CHD9: variants seen among roughly 807,000 people sequenced by gnomAD.
CHD9 encodes the protein ATP-dependent chromatin remodeler CHD9.
CHD9 carries 77 observed loss-of-function variants against 316.1 expected under a neutral mutation model. That is an observed-to-expected ratio of 0.24 (90% CI 0.20 to 0.29). CHD9 has a LOEUF of 0.29. CHD9 is among the 10% of genes least tolerant of loss of function. CHD9 has a pLI of 1.00. For missense variants in CHD9, 2,763 were observed against 3,438.1 expected, an observed-to-expected ratio of 0.80 and a Z score of 4.91; for synonymous variants, 1,129 against 1,158.3, an observed-to-expected ratio of 0.97 and a Z score of 0.51.
At chr16:53,155,560 T>C (rs1231420491) in intron 1 of CHD9, among the ~76,000 whole-genome samples, 2 of 152,188 alleles carry the variant, frequency 1.3e-5, no homozygotes, top group African/African-American at 4.8e-5. Flanking sequence ...TACCATACAA[T>C]TCATTCATCT....
intron 34 of CHD9, among the ~76,000 whole-genome samples, chr16:53,313,058 A>G (rs2056598612): frequency 6.6e-6 from 1 of 152,234 alleles, no homozygotes; most frequent in African/African-American, 2.4e-5. Flanking sequence ...TTAATAAAAT[A>G]TCTATTAGAA....
In CHD9 at chr16:53,314,415, A is replaced by G; in HGVS notation, c.7261A>G (p.Ile2421Val). 2 of 1,589,048 alleles carry G rather than the reference A, an allele frequency of 1.3e-6. No individual in the cohort carries two copies. Among genetic ancestry groups the G allele is most frequent in the Non-Finnish European group, 1.7e-6 (2 of 1,166,484 alleles). The change falls in exon 35 of 39, where the codon ATA becomes GTA. Residue 2421 changes from isoleucine (I) to valine (V), a missense_variant. Physicochemically the swap from Ile to Val is conservative, Grantham distance 29 (BLOSUM62 3). Around this residue, in one of 15 missense-constraint regions of CHD9, gnomAD observed 663 missense variants for 751.2 expected, o/e 0.88. Coordinates refer to ENST00000447540, the MANE Select transcript of CHD9 (RefSeq NM_001308319.2). The part of the protein sequence containing the change: ...IQPTLGANGV[I>V]LDNQPIVKKR... ...ACCAACCCTTGGTGCCAATGGTGTG[A>G]TATTAGACAACCAGCCTATAGTCAA...
At chr16:53,161,927 A>AT (rs1423965197) in intron 2 of CHD9, among the ~76,000 whole-genome samples, 5 of 151,902 alleles carry the variant, frequency 3.3e-5, no homozygotes, top group African/African-American at 7.2e-5. Context: ...TAATTTTTGT[A>AT]TTTTTTTGTA....
At position 53,058,261 on chromosome 16, in the gene CHD9, C is replaced by T. The variant is rs192564493; in HGVS notation, c.-165+3184C>T. Among the ~76,000 whole-genome samples the T allele has an allele frequency of 4.6e-5, 7 of 152,224 alleles. No individual in the cohort carries two copies. In the East Asian group the frequency reaches 9.7e-4, roughly 21 times the overall value. On this transcript the variant is annotated intron_variant, in intron 1 of 38. Transcript: ENST00000447540. ...TCAGCCTCCCATGTAGCTGGTACTA[C>T]AGGCACATGCCACCACGCCCAGCTA...
At chr16:53,288,886 T>TA (rs1382586674) in intron 27 of CHD9, among the ~76,000 whole-genome samples, 3 of 151,672 alleles carry the variant, frequency 2.0e-5, no homozygotes, top group Non-Finnish European at 4.4e-5. Context: ...CAGTGTAATA[T>TA]AAAAAAGGAT....
intron 24 of CHD9, 115 bp downstream of exon 24, chr16:53,274,417 G>C: frequency 1.9e-6 from 1 of 540,456 alleles, no homozygotes; most frequent in Non-Finnish European, 3.3e-6. Flanking sequence ...TCGCACTGTA[G>C]GCACACCACC....
intron 1 of CHD9, among the ~76,000 whole-genome samples, chr16:53,106,694 A>G (rs2037387019): frequency 6.6e-6 from 1 of 152,042 alleles, no homozygotes; most frequent in South Asian, 2.1e-4. Flanking sequence ...CGATGTGCAT[A>G]TGGTGTGGTT....
chr16:53,274,270 G>A lies in CHD9; in HGVS notation c.4935G>A (p.Glu1645=). 1 of 1,594,628 alleles carries A rather than the reference G, an allele frequency of 6.3e-7. No homozygotes were observed. The highest frequency in any genetic ancestry group is 8.5e-7 in the Non-Finnish European group (1 of 1,172,340). Residue 1645 remains glutamate, a synonymous_variant, in exon 24 of 39, where the codon GAG becomes GAA. Coordinates refer to ENST00000447540, the MANE Select transcript of CHD9 (RefSeq NM_001308319.2). ...YYLKQEVIGN[E]CQKVFDGVDA... ...TAAAGCAAGAAGTTATTGGAAATGA[G>A]TGTCAGAAAGTATTTGATGGAGTTG...
chr16:53,120,443 GTC>G (rs1246946397), intron 1 of CHD9, among the ~76,000 whole-genome samples: 1 of 151,698 alleles, frequency 6.6e-6, no homozygotes, highest in African/African-American at 2.4e-5. Flanking sequence ...GAGAAACTCC[GTC>G]TCTACTAAAA....
chr16:53,182,976 T>C (rs2043656395), intron 2 of CHD9, among the ~76,000 whole-genome samples: 2 of 152,206 alleles, frequency 1.3e-5, no homozygotes, highest in Non-Finnish European at 2.9e-5. Flanking sequence ...TTAGCTAACT[T>C]TTTGTTTTAG....
At chr16:53,231,583 T>G in intron 9 of CHD9, 64 bp from the exon 10 acceptor site, 1 of 1,407,030 alleles carries the variant, frequency 7.1e-7, no homozygotes, top group Middle Eastern at 1.8e-4. Context: ...TACTTTATTC[T>G]CTGTTTAAAC....
At chr16:53,233,264 T>C (rs2048332840) in intron 10 of CHD9, among the ~76,000 whole-genome samples, 1 of 152,146 alleles carries the variant, frequency 6.6e-6, no homozygotes, top group African/African-American at 2.4e-5. Context: ...CTAGAGCAGC[T>C]CACAGCACTC....
chr16:53,168,115 G>A (rs981127706), intron 2 of CHD9, among the ~76,000 whole-genome samples: 5 of 151,956 alleles, frequency 3.3e-5, no homozygotes, highest in African/African-American at 1.2e-4. Flanking sequence ...AGGCTGGAGT[G>A]CAGTGGCACG....
intron 30 of CHD9, among the ~76,000 whole-genome samples, chr16:53,302,972 A>G (rs2055582604): frequency 1.3e-5 from 2 of 152,212 alleles, no homozygotes; most frequent in South Asian, 4.1e-4. Context: ...AGTGTTTGAA[A>G]GATGTGGCTG....
At chr16:53,090,813 G>A (rs943582613) in intron 1 of CHD9, among the ~76,000 whole-genome samples, 1 of 152,140 alleles carries the variant, frequency 6.6e-6, no homozygotes, top group African/African-American at 2.4e-5. Context: ...TTTCACAGTG[G>A]TGAGTGCCAC....
At position 53,304,179 on chromosome 16, in the gene CHD9, C is replaced by A. The variant is rs2055706605; in HGVS notation, c.6173C>A (p.Ser2058Tyr). The change falls in exon 31 of 39, where the codon TCT (serine) becomes TAT (tyrosine). Residue 2058 changes from serine (S) to tyrosine (Y), a missense_variant. Coordinates refer to ENST00000447540, the MANE Select transcript of CHD9 (RefSeq NM_001308319.2). ...KSENLKEEPQSSEEESMSSVE... is the reference protein window; with the variant it reads ...KSENLKEEPQYSEEESMSSVE... ...GAAAACCTTAAAGAGGAGCCTCAGT[C>A]TTCTGAAGAAGAATCTATGTCTTCT... is the stretch of plus-strand genomic sequence containing the variant. 1.2e-6 allele frequency: 2 copies of A among 1,612,150 alleles called. No homozygotes were observed. Among genetic ancestry groups the A allele is most frequent in the Non-Finnish European group, 1.7e-6 (2 of 1,179,084 alleles).
chr16:53,310,374 C>T (rs1322531455), intron 34 of CHD9, among the ~76,000 whole-genome samples: 2 of 151,374 alleles, frequency 1.3e-5, no homozygotes, highest in Non-Finnish European at 2.9e-5. Flanking sequence ...ATAAGCTGTG[C>T]GTTCTTTTGC....
intron 2 of CHD9, among the ~76,000 whole-genome samples, chr16:53,205,674 G>C (rs1473857992): frequency 2.0e-5 from 3 of 152,212 alleles, no homozygotes; most frequent in Admixed American, 1.3e-4. Context: ...TTGGGATTCT[G>C]AGTCAGGTAG....
intron 3 of CHD9, among the ~76,000 whole-genome samples, chr16:53,219,522 A>T (rs1251253650): frequency 6.6e-6 from 1 of 152,222 alleles, no homozygotes. Flanking sequence ...TGCAGGAAGA[A>T]GAGCCAAAAT....
Sources: gnomAD v4.1 joint callset for allele counts (sites outside exome capture counted in the v4.1 genomes callset) on GRCh38, gnomAD v4.1.1 for gene constraint, gnomAD v4.1.1 regional missense constraint, MANE v1.5 for transcripts, NCBI Gene and HGNC (gene_info 2026-07-23, HGNC 2026-07-21) for gene names.